ADH1C: variants seen among roughly 807,000 people sequenced by gnomAD.
ADH1C encodes the protein alcohol dehydrogenase 1C.
A neutral mutation model predicts 35.0 loss-of-function variants in ADH1C; 26 were observed. That is an observed-to-expected ratio of 0.74 (90% CI 0.54 to 1.03). The LOEUF (loss-of-function observed/expected upper bound fraction) is 1.03, where lower values mean the gene tolerates loss of function less well. Among genes scored for constraint, ADH1C ranks in the 50% least tolerant of loss-of-function variants. ADH1C has a pLI of 0.00. For missense variants in ADH1C, 413 were observed against 465.4 expected (o/e 0.89, Z 1.04); for synonymous variants, 170 against 169.3 (o/e 1.00, Z -0.03).
intron 1 of ADH1C, among the ~76,000 whole-genome samples, chr4:99,349,890 C>T (rs1245048187): frequency 3.9e-5 from 6 of 152,098 alleles, no homozygotes; most frequent in Admixed American, 3.9e-4. Flanking sequence ...TTCTAGCTAG[C>T]AAGCTTATCC....
At chr4:99,345,901 T>G (rs1220427964) in intron 3 of ADH1C, among the ~76,000 whole-genome samples, 1 of 152,226 alleles carries the variant, frequency 6.6e-6, no homozygotes, top group Non-Finnish European at 1.5e-5. Context: ...TTAGACACTT[T>G]CTTTTAGGAT....
intron 6 of ADH1C, among the ~76,000 whole-genome samples, chr4:99,341,039 G>A (rs1468409712): frequency 1.3e-5 from 2 of 152,216 alleles, no homozygotes; most frequent in African/African-American, 4.8e-5. Context: ...TAGGCAATGT[G>A]TGAGTTGGTT....
chr4:99,347,683 T>C (rs1374591068), intron 2 of ADH1C, 62 bp downstream of exon 2: 1 of 1,466,162 alleles, frequency 6.8e-7, no homozygotes, highest in African/African-American at 1.4e-5. Context: ...GATGTTTCTA[T>C]TTTTAATATT....
chr4:99,345,350 A>G, intron 3 of ADH1C, 84 bp from the exon 4 acceptor site: 1 of 1,324,966 alleles, frequency 7.5e-7, no homozygotes, highest in Non-Finnish European at 1.0e-6. Flanking sequence ...TGTATAGATT[A>G]GAATTATGTG....
intron 5 of ADH1C, among the ~76,000 whole-genome samples, chr4:99,343,930 C>T (rs905300894): frequency 6.6e-6 from 1 of 152,152 alleles, no homozygotes; most frequent in Admixed American, 6.5e-5. Flanking sequence ...TTCTTATATT[C>T]CCTTAAGGGT....
Position 99,345,258 on chromosome 4 carries a change from C to CT in ADH1C, c.267dup (p.Val90SerfsTer16). On this transcript the variant is annotated frameshift_variant, in exon 4 of 9. Coordinates refer to ENST00000515683, the MANE Select transcript of ADH1C (RefSeq NM_000669.5). LOFTEE classifies it high-confidence loss of function. ...CACTGAGGAGTAAAGAGCGGGATGACTTTATCACCTGCAGAGGAATAAAAC... is the reference window on the plus strand; with the variant it reads ...CACTGAGGAGTAAAGAGCGGGATGACTTTTATCACCTGCAGAGGAATAAAAC... 1 of 1,613,576 alleles carries CT rather than the reference C, an allele frequency of 6.2e-7. No individual in the cohort carries two copies. Among genetic ancestry groups the CT allele is most frequent in the East Asian group, 2.2e-5 (1 of 44,888 alleles).
chr4:99,350,863 T>A (rs1238177258), intron 1 of ADH1C: 1 of 152,140 alleles, frequency 6.6e-6, no homozygotes, highest in African/African-American at 2.4e-5. Flanking sequence ...TCAGGCCGGG[T>A]GCAGTTGCCC....
At chr4:99,350,220 C>T (rs1163966199) in intron 1 of ADH1C, among the ~76,000 whole-genome samples, 4 of 152,056 alleles carry the variant, frequency 2.6e-5, no homozygotes, top group African/African-American at 9.7e-5. Flanking sequence ...GACAGGTGCA[C>T]TGTGGCTTGT....
At chr4:99,348,885 G>T (rs1035184482) in intron 1 of ADH1C, among the ~76,000 whole-genome samples, 42 of 152,058 alleles carry the variant, frequency 2.8e-4, no homozygotes, top group African/African-American at 9.9e-4. Context: ...CAGTGATGAT[G>T]AACATTTTTT....
Position 99,336,645 on chromosome 4 carries a change from T to G in ADH1C, c.*107A>C, listed in dbSNP as rs1224718695. The G allele has an allele frequency of 7.3e-7, 1 of 1,377,928 alleles. No homozygotes were observed. Among genetic ancestry groups the G allele is most frequent in the East Asian group, 2.3e-5 (1 of 43,154 alleles). The allele number at this position is 1,377,928 out of a possible 1,614,324, so 85.4% of individuals were successfully genotyped here. A position where few individuals can be genotyped will look rare whatever the true frequency, so the allele number is the denominator to read the frequency against. On this transcript the variant is annotated 3_prime_UTR_variant, in exon 9 of 9. Coordinates refer to ENST00000515683, the MANE Select transcript of ADH1C (RefSeq NM_000669.5). The stretch of plus-strand genomic sequence containing the variant: ...GAAAGCTCCCACGTGTAATTTATTT[T>G]TAACATCTCTGAAGAGCAGAATTAA...
At position 99,343,002 on chromosome 4, in the gene ADH1C, A is replaced by C. The variant is rs777717488; in HGVS notation, c.621T>G (p.Ser207=). The change falls in exon 6 of 9, where the codon TCT becomes TCG. Residue 207 remains serine, a synonymous_variant. Transcript: ENST00000515683. The stretch of plus-strand genomic sequence containing the variant: ...CAGCTGCTTTACAGCCCATAACAAC[A>C]GATAGGCCGACCCCTCCCAGGCCAA... The part of the protein sequence containing the change: ...AVFGLGGVGL[S]VVMGCKAAGA... The C allele has an allele frequency of 9.9e-6, 16 of 1,614,200 alleles. No individual in the cohort carries two copies. Among genetic ancestry groups the C allele is most frequent in the Non-Finnish European group, 1.3e-5 (15 of 1,180,038 alleles).
At chr4:99,340,034 C>G (rs576978050) in intron 7 of ADH1C, among the ~76,000 whole-genome samples, 2 of 152,212 alleles carry the variant, frequency 1.3e-5, no homozygotes, top group South Asian at 2.1e-4. Flanking sequence ...ATTTCCATGG[C>G]CTACTAGAAA....
intron 1 of ADH1C, among the ~76,000 whole-genome samples, chr4:99,349,935 T>A (rs760271527): frequency 6.6e-6 from 1 of 152,198 alleles, no homozygotes; most frequent in Non-Finnish European, 1.5e-5. Context: ...TGATCACATA[T>A]TTCCAGTGCT....
At chr4:99,345,149 G>C in intron 4 of ADH1C, 30 bp downstream of exon 4, 1 of 1,613,764 alleles carries the variant, frequency 6.2e-7, no homozygotes, top group Non-Finnish European at 8.5e-7. Flanking sequence ...CAAACTCAAA[G>C]TCTGTGCAAA....
intron 6 of ADH1C, among the ~76,000 whole-genome samples, chr4:99,341,831 T>C (rs1455368995): frequency 1.3e-5 from 2 of 152,080 alleles, no homozygotes; most frequent in African/African-American, 4.8e-5. Flanking sequence ...CACTGCAAGA[T>C]TGGAAATAGT....
In ADH1C at chr4:99,352,641, A is replaced by G; in HGVS notation, c.18+17T>C. On this transcript the variant is annotated intron_variant, in intron 1 of 8. Coordinates refer to ENST00000515683, the MANE Select transcript of ADH1C (RefSeq NM_000669.5). ...TGAAGAGAATATATTATCAACAGTA[A>G]TATATTTTTTGCTTACTTTTCCTGC... 6.3e-7 allele frequency: 1 copy of G among 1,597,968 alleles called. No homozygotes were observed. The highest frequency in any genetic ancestry group is 1.7e-5 in the Admixed American group (1 of 59,968).
rs571840662 is a variant in ADH1C at position 99,349,426 on chromosome 4, C to T, written c.19-1580G>A. Among the ~76,000 whole-genome samples, 22 of 152,252 alleles carry T rather than the reference C, an allele frequency of 1.4e-4. No individual in the cohort carries two copies. In the South Asian group the frequency reaches 2.5e-3, roughly 17 times the overall value. On this transcript the variant is annotated intron_variant, in intron 1 of 8. Transcript: ENST00000515683. ...TGTTTAATCCTGATATTTTCTAACA[C>T]TGTCCTGAAGACAACTGTTTACCCA... is the stretch of plus-strand genomic sequence containing the variant.
At chr4:99,349,894 C>T (rs998163534) in intron 1 of ADH1C, among the ~76,000 whole-genome samples, 3 of 152,140 alleles carry the variant, frequency 2.0e-5, no homozygotes, top group Non-Finnish European at 4.4e-5. Context: ...AGCTAGCAAG[C>T]TTATCCACAG....
At chr4:99,346,511 C>T (rs1693430) in intron 3 of ADH1C, among the ~76,000 whole-genome samples, 47,475 of 151,928 alleles carry the variant, frequency 0.31, 8,856 homozygotes, top group Non-Finnish European at 0.41. Context: ...AAGAGGAAAT[C>T]GGTAAAGGAG....
Sources: gnomAD v4.1 joint callset for allele counts (sites outside exome capture counted in the v4.1 genomes callset) on GRCh38, gnomAD v4.1.1 for gene constraint, MANE v1.5 for transcripts, NCBI Gene and HGNC (gene_info 2026-07-23, HGNC 2026-07-21) for gene names.